The following RUFY3 variants were observed in gnomAD, a reference collection of about 807,000 sequenced individuals.
RUFY3 encodes RUN and FYVE domain containing 3.
RUFY3 carries 34 observed loss-of-function variants against 84.0 expected under a neutral mutation model. The observed-to-expected ratio is 0.40, with a 90% CI of 0.31 to 0.54. The LOEUF (loss-of-function observed/expected upper bound fraction) is 0.54. Ranked by LOEUF, RUFY3 falls within the 20% of genes least tolerant of loss-of-function variation. The pLI is 0.39. For missense variants in RUFY3, 507 were observed against 736.8 expected, an observed-to-expected ratio of 0.69 and a Z score of 3.61; for synonymous variants, 242 against 252.9, an observed-to-expected ratio of 0.96 and a Z score of 0.41.
chr4:70,778,257 A>T (rs1037091382), intron 7 of RUFY3, 112 bp from the exon 8 acceptor site: 6 of 432,354 alleles, frequency 1.4e-5, no homozygotes, highest in Admixed American at 4.2e-5. Context: ...ATAATAAAAT[A>T]AAAAATTATG....
At chr4:70,744,496 C>T (rs910633500) in intron 1 of RUFY3, among the ~76,000 whole-genome samples, 5 of 152,074 alleles carry the variant, frequency 3.3e-5, no homozygotes, top group South Asian at 2.1e-4. Flanking sequence ...CCACCGAACC[C>T]GGCTATAGTT....
intron 7 of RUFY3, among the ~76,000 whole-genome samples, chr4:70,776,610 T>C (rs1728013261): frequency 6.6e-6 from 1 of 151,970 alleles, no homozygotes. Flanking sequence ...CCATCTCTAC[T>C]AAAAATACAA....
At chr4:70,778,570 ATTCTT>A in intron 8 of RUFY3, 132 bp downstream of exon 8, 1 of 233,680 alleles carries the variant, frequency 4.3e-6, no homozygotes, top group South Asian at 7.6e-5. Flanking sequence ...ATAACTTCTT[ATTCTT>A]TTTTTTTTTT....
chr4:70,728,393 C>A (rs907603261), intron 1 of RUFY3, among the ~76,000 whole-genome samples: 1 of 152,078 alleles, frequency 6.6e-6, no homozygotes, highest in Non-Finnish European at 1.5e-5. Context: ...ATTGCTAGCT[C>A]GGGAAAAAAT....
chr4:70,735,741 C>T (rs897512264), intron 1 of RUFY3, among the ~76,000 whole-genome samples: 1 of 151,976 alleles, frequency 6.6e-6, no homozygotes, highest in Non-Finnish European at 1.5e-5. Flanking sequence ...AATCCCAGCA[C>T]TTTCAGAGGT....
chr4:70,721,069 T>C (rs1295843179), upstream of RUFY3, among the ~76,000 whole-genome samples: 2 of 152,098 alleles, frequency 1.3e-5, no homozygotes, highest in African/African-American at 4.8e-5. Flanking sequence ...ATCCCAGCAC[T>C]TTGGGAGGCT....
intron 1 of RUFY3, among the ~76,000 whole-genome samples, chr4:70,758,469 C>T (rs1280738636): frequency 2.0e-5 from 3 of 151,924 alleles, no homozygotes; most frequent in Non-Finnish European, 4.4e-5. Context: ...AATAGCCATA[C>T]TTTTGTATAC....
Position 70,705,295 on chromosome 4 carries a change from G to A in RUFY3, c.358+1G>A. ...GGCAGCAGCGGCAGCGGCAAGCACC[G>A]TGAGTGGCGGAGGGGCATGGGGACG... On this transcript the variant is annotated splice_donor_variant, in intron 1 of 11. Coordinates refer to the RUFY3 transcript ENST00000417478. LOFTEE classifies it high-confidence loss of function. 1.4e-6 allele frequency: 2 copies of A among 1,402,550 alleles called. No individual in the cohort carries two copies. The highest frequency in any genetic ancestry group is 9.3e-7 in the Non-Finnish European group (1 of 1,080,494). 86.9% of individuals were successfully genotyped at this position (1,402,550 alleles called of 1,614,324 possible). A position where few individuals can be genotyped will look rare whatever the true frequency, so the allele number is the denominator to read the frequency against.
chr4:70,765,927 T>G (rs1725829640), intron 4 of RUFY3, among the ~76,000 whole-genome samples: 1 of 151,896 alleles, frequency 6.6e-6, no homozygotes, highest in South Asian at 2.1e-4. Flanking sequence ...CACACCCAGC[T>G]AATTTTTGTA....
chr4:70,791,611 C>G (rs1353566928), intron 12 of RUFY3: 3 of 1,165,906 alleles, frequency 2.6e-6, no homozygotes, highest in Admixed American at 4.5e-5. Context: ...AATTGAAGCT[C>G]TGTACATATA....
At chr4:70,724,039 A>G (rs1446290512) in intron 1 of RUFY3, among the ~76,000 whole-genome samples, 2 of 152,234 alleles carry the variant, frequency 1.3e-5, no homozygotes, top group African/African-American at 4.8e-5. Flanking sequence ...TGGTTTGTTA[A>G]TTAGACAGCT....
chr4:70,747,923 T>A (rs1371179153), intron 1 of RUFY3, among the ~76,000 whole-genome samples: 2 of 152,242 alleles, frequency 1.3e-5, no homozygotes, highest in Non-Finnish European at 2.9e-5. Context: ...TTTTGCCCTT[T>A]ATCTCCATAA....
intron 14 of RUFY3, among the ~76,000 whole-genome samples, chr4:70,797,566 C>A (rs1731683825): frequency 6.6e-6 from 1 of 152,132 alleles, no homozygotes. Context: ...CACTCTAGGC[C>A]AGGCACGGTG....
intron 5 of RUFY3, among the ~76,000 whole-genome samples, chr4:70,771,993 T>C (rs1467710182): frequency 1.3e-5 from 2 of 151,774 alleles, no homozygotes; most frequent in African/African-American, 4.8e-5. Context: ...ACTAACCAGA[T>C]TGATGAGGAG....
intron 1 of RUFY3, among the ~76,000 whole-genome samples, chr4:70,752,628 T>C (rs1218935384): frequency 6.6e-6 from 1 of 152,218 alleles, no homozygotes; most frequent in East Asian, 1.9e-4. Flanking sequence ...TTAATGGATA[T>C]TGGAACTTGT....
intron 1 of RUFY3, among the ~76,000 whole-genome samples, chr4:70,728,155 C>T (rs1208828138): frequency 3.3e-5 from 5 of 152,208 alleles, no homozygotes. Flanking sequence ...ACCTACTCTA[C>T]TGAACTTAAT....
intron 15 of RUFY3, among the ~76,000 whole-genome samples, chr4:70,801,690 A>G (rs1417862069): frequency 9.9e-5 from 15 of 152,212 alleles, no homozygotes; most frequent in Non-Finnish European, 1.5e-5. Context: ...ACAGTCCAAT[A>G]GTAAGCTAAT....
intron 1 of RUFY3, among the ~76,000 whole-genome samples, chr4:70,723,155 A>G (rs887836696): frequency 6.6e-6 from 1 of 152,236 alleles, no homozygotes; most frequent in East Asian, 1.9e-4. Context: ...AGGATTGTAC[A>G]TGATGAATAC....
chr4:70,796,963 AAC>A (rs919583576), intron 14 of RUFY3, among the ~76,000 whole-genome samples: 2 of 148,538 alleles, frequency 1.3e-5, no homozygotes, highest in African/African-American at 5.0e-5. Flanking sequence ...TTTTTTTTGA[AAC>A]AGAGTCTCAT....
Sources: allele counts gnomAD v4.1 joint callset (sites outside exome capture counted in the v4.1 genomes callset), GRCh38; gene constraint gnomAD v4.1.1; transcripts MANE v1.5; gene names NCBI Gene and HGNC (gene_info 2026-07-23, HGNC 2026-07-21).